The following PRXL2C variants were observed in gnomAD, a reference collection of about 807,000 sequenced individuals.
PRXL2C encodes the protein peroxiredoxin like 2C.
Under a neutral mutation model 24.9 loss-of-function variants are expected in PRXL2C, and 38 were observed. The ratio of observed to expected loss-of-function variants is 1.53; its 90% confidence interval spans 1.18 to 2.00. The LOEUF (loss-of-function observed/expected upper bound fraction) is 2.00. Ranked by LOEUF, PRXL2C falls within the 30% of genes most tolerant of loss-of-function variation. The pLI is 0.00. For missense variants in PRXL2C, 294 were observed against 290.9 expected (o/e 1.01, Z -0.08); for synonymous variants, 98 against 117.2 (o/e 0.84, Z 1.06).
At position 96,640,955 on chromosome 9, in the gene PRXL2C, A is replaced by C. The variant is rs534963884; in HGVS notation, c.*804T>G. ...TCCATAGCTCCCCCAACCCCCCAAA[A>C]TCCTAGTGAAACGGATAGCAAGTAT... is the stretch of plus-strand genomic sequence containing the variant. On this transcript the variant is annotated 3_prime_UTR_variant, in exon 6 of 6. Transcript: ENST00000375234. 1.3e-5 allele frequency: 2 copies of C among 152,332 alleles called. No individual in the cohort carries two copies. Among genetic ancestry groups the C allele is most frequent in the African/African-American group, 4.8e-5 (2 of 41,558 alleles). The allele number at this position is 152,332 out of a possible 1,614,324, so 9.4% of individuals were successfully genotyped here. A position where few individuals can be genotyped will look rare whatever the true frequency, so the allele number is the denominator to read the frequency against.
chr9:96,655,153 G>C lies in PRXL2C; in HGVS notation c.129C>G (p.Arg43=). 7.6e-7 allele frequency: 1 copy of C among 1,312,718 alleles called. No homozygotes were observed. The highest frequency in any genetic ancestry group is 9.6e-7 in the Non-Finnish European group (1 of 1,036,510). The allele number at this position is 1,312,718 out of a possible 1,614,324, so 81.3% of individuals were successfully genotyped here. A position where few individuals can be genotyped will look rare whatever the true frequency, so the allele number is the denominator to read the frequency against. The change falls in exon 1 of 6, where the codon CGC becomes CGG. Residue 43 remains arginine, a synonymous_variant. Transcript: ENST00000375234. ...AVAELPVLDA[R]GQRVPFGALF... Reference sequence around the variant, plus strand: ...GCGCGCCGAACGGTACCCGCTGCCCGCGGGCGTCCAGCACCGGCAGCTCGG... The same window carrying C: ...GCGCGCCGAACGGTACCCGCTGCCCCCGGGCGTCCAGCACCGGCAGCTCGG...
Position 96,651,692 on chromosome 9 carries a change from T to C in PRXL2C, c.282A>G (p.Ile94Met), listed in dbSNP as rs1848267329. ...GATGGTAGGATGACTGTCCAATCAC[T>C]ATAAGGGTGACATTTGCTTCCTTAG... ...SFLQEANVTL[I>M]VIGQSSYHHI... The change falls in exon 3 of 6, where the codon ATA becomes ATG. Residue 94 changes from isoleucine to methionine, a missense_variant. Coordinates refer to ENST00000375234, the MANE Select transcript of PRXL2C (RefSeq NM_153698.2). 1.2e-6 allele frequency: 2 copies of C among 1,610,416 alleles called. No homozygotes were observed. The highest frequency in any genetic ancestry group is 2.2e-5 in the East Asian group (1 of 44,780).
At chr9:96,645,370 C>T (rs780998776) in intron 5 of PRXL2C, among the ~76,000 whole-genome samples, 8 of 152,050 alleles carry the variant, frequency 5.3e-5, no homozygotes, top group East Asian at 1.9e-4. Context: ...ATGATGGGCA[C>T]GCTCATCAAA....
At chr9:96,642,825 A>G (rs1025059558) in intron 5 of PRXL2C, among the ~76,000 whole-genome samples, 2 of 152,038 alleles carry the variant, frequency 1.3e-5, no homozygotes, top group Non-Finnish European at 2.9e-5. Flanking sequence ...TTACAGGTGT[A>G]AGCCACTGCA....
rs1848104806 is a variant in PRXL2C at position 96,640,870 on chromosome 9, A to C, written c.*889T>G. On this transcript the variant is annotated 3_prime_UTR_variant, in exon 6 of 6. Coordinates refer to ENST00000375234, the MANE Select transcript of PRXL2C (RefSeq NM_153698.2). ...AAAAAAATTCTTATAGTTCCCTTTC[A>C]AAAAGCACACTGACCATATTTTTAA... is the stretch of plus-strand genomic sequence containing the variant. 6.6e-6 allele frequency: 1 copy of C among 151,994 alleles called. No individual in the cohort carries two copies. The highest frequency in any genetic ancestry group is 2.4e-5 in the African/African-American group (1 of 41,394). 9.4% of individuals were successfully genotyped at this position (151,994 alleles called of 1,614,324 possible).
chr9:96,643,778 T>G (rs958229334), intron 5 of PRXL2C, among the ~76,000 whole-genome samples: 5 of 152,130 alleles, frequency 3.3e-5, no homozygotes, highest in African/African-American at 9.7e-5. Context: ...AGATTTTGGC[T>G]ACAATGTTCC....
At chr9:96,654,555 G>C in intron 2 of PRXL2C, 150 bp downstream of exon 2, 1 of 666,996 alleles carries the variant, frequency 1.5e-6, no homozygotes. Context: ...GATCTCTGAC[G>C]TCTCACTCCT....
At chr9:96,646,074 A>G in intron 4 of PRXL2C, 50 bp from the exon 5 acceptor site, 2 of 1,514,300 alleles carry the variant, frequency 1.3e-6, no homozygotes, top group Non-Finnish European at 1.8e-6. Context: ...TCAATTTGAT[A>G]TTAAGAAGAT....
At position 96,646,789 on chromosome 9, in the gene PRXL2C, GA is replaced by G. The variant is rs1190797200; in HGVS notation, c.422-766del. On this transcript the variant is annotated intron_variant, in intron 4 of 5. Transcript: ENST00000375234. Reference sequence around the variant, plus strand: ...GCATCCAAATAGAAAAACCGTTCTTGAAAAAAAATTTTTTTTTTGAGATGGA... The same window carrying G: ...GCATCCAAATAGAAAAACCGTTCTTGAAAAAAATTTTTTTTTTGAGATGGA... Among the ~76,000 whole-genome samples the G allele has an allele frequency of 1.2e-4, 19 of 152,044 alleles. No individual in the cohort carries two copies. The East Asian group carries it at 3.1e-3, about 25-fold the overall frequency.
At position 96,655,167 on chromosome 9, in the gene PRXL2C, C is replaced by G. The variant is rs953823241; in HGVS notation, c.115G>C (p.Val39Leu). ...PLAAAVAELP[V>L]LDARGQRVPF... ...ACCCGCTGCCCGCGGGCGTCCAGCACCGGCAGCTCGGCCACGGCGGCCGCC... is the reference window on the plus strand; with the variant it reads ...ACCCGCTGCCCGCGGGCGTCCAGCAGCGGCAGCTCGGCCACGGCGGCCGCC... The change falls in exon 1 of 6, where the codon GTG becomes CTG. Residue 39 changes from valine to leucine, a missense_variant. Transcript: ENST00000375234. 10 of 1,240,134 alleles carry G rather than the reference C, an allele frequency of 8.1e-6. No homozygotes were observed. Among genetic ancestry groups the G allele is most frequent in the Non-Finnish European group, 1.0e-5 (10 of 994,516 alleles). 76.8% of individuals were successfully genotyped at this position (1,240,134 alleles called of 1,614,324 possible).
chr9:96,649,359 G>A (rs1419554219), intron 4 of PRXL2C, among the ~76,000 whole-genome samples: 1 of 149,020 alleles, frequency 6.7e-6, no homozygotes, highest in African/African-American at 2.6e-5. Context: ...GAGGTCGGGA[G>A]TTCAAGACCA....
rs995388897 is a variant in PRXL2C, at chr9:96,641,420, A to T, written c.*339T>A. The T allele has an allele frequency of 1.2e-5, 2 of 164,906 alleles. No individual in the cohort carries two copies. Among genetic ancestry groups the T allele is most frequent in the African/African-American group, 4.8e-5 (2 of 42,014 alleles). 10.2% of individuals were successfully genotyped at this position (164,906 alleles called of 1,614,324 possible). A position where few individuals can be genotyped will look rare whatever the true frequency, so the allele number is the denominator to read the frequency against. On this transcript the variant is annotated 3_prime_UTR_variant, in exon 6 of 6. Transcript: ENST00000375234. ...TTCTCCTGTCCCCTTATATACTGTC[A>T]GAATTTATATTGCCAAAAAACTCTT...
intron 5 of PRXL2C, among the ~76,000 whole-genome samples, chr9:96,642,191 G>A (rs896947708): frequency 2.0e-5 from 3 of 151,934 alleles, no homozygotes; most frequent in Non-Finnish European, 2.9e-5. Context: ...CTGTCAGACG[G>A]GCAGAATACG....
Position 96,646,001 on chromosome 9 carries a change from T to A in PRXL2C, c.445A>T (p.Asn149Tyr), listed in dbSNP as rs764147841. 2 of 1,612,092 alleles carry A rather than the reference T, an allele frequency of 1.2e-6. No homozygotes were observed. The highest frequency in any genetic ancestry group is 1.7e-6 in the Non-Finnish European group (2 of 1,179,456). The change falls in exon 5 of 6, where the codon AAT becomes TAT. Residue 149 changes from asparagine (N) to tyrosine (Y), a missense_variant. Coordinates refer to ENST00000375234, the MANE Select transcript of PRXL2C (RefSeq NM_153698.2). ...SSGQSPHIKS[N>Y]LLSGSLQSLW... ...CTCTGAAGGCTTCCTGAGAGTAGAT[T>A]TGATTTTATGTGGGGGCTCTGTCCT...
intron 5 of PRXL2C, among the ~76,000 whole-genome samples, chr9:96,643,731 C>T (rs981060379): frequency 8.5e-5 from 13 of 152,088 alleles, no homozygotes; most frequent in Admixed American, 7.2e-4. Context: ...CTTTTTATAA[C>T]GAATCTGTTA....
At chr9:96,651,048 T>G (rs1848258068) in intron 4 of PRXL2C, among the ~76,000 whole-genome samples, 1 of 152,098 alleles carries the variant, frequency 6.6e-6, no homozygotes, top group Non-Finnish European at 1.5e-5. Flanking sequence ...CCCAGCACTT[T>G]GGGAGGCCGA....
intron 4 of PRXL2C, among the ~76,000 whole-genome samples, chr9:96,648,129 C>T (rs911169111): frequency 2.0e-5 from 3 of 152,092 alleles, no homozygotes; most frequent in Admixed American, 1.3e-4. Context: ...TCTCGAACTC[C>T]TACACTCAAG....
chr9:96,642,546 A>ATT (rs1212733244), intron 5 of PRXL2C, among the ~76,000 whole-genome samples: 28 of 134,920 alleles, frequency 2.1e-4, no homozygotes, highest in African/African-American at 6.6e-4. Context: ...GCACGTTTTC[A>ATT]TTTTTTTTTT....
chr9:96,643,714 A>C (rs1848150975), intron 5 of PRXL2C, among the ~76,000 whole-genome samples: 1 of 152,222 alleles, frequency 6.6e-6, no homozygotes, highest in Non-Finnish European at 1.5e-5. Flanking sequence ...CTCATTCATC[A>C]GGGCTTCTTT....
Sources: allele counts gnomAD v4.1 joint callset (sites outside exome capture counted in the v4.1 genomes callset), GRCh38; gene constraint gnomAD v4.1.1; transcripts MANE v1.5; gene names NCBI Gene and HGNC (gene_info 2026-07-23, HGNC 2026-07-21).